The following TNRC18 variants were observed in gnomAD, a reference collection of about 807,000 sequenced individuals.
The protein encoded by TNRC18 is trinucleotide repeat containing 18.
TNRC18 carries 69 observed loss-of-function variants against 226.7 expected under a neutral mutation model. That is an observed-to-expected ratio of 0.30 (90% CI 0.25 to 0.37). TNRC18 has a LOEUF of 0.37. Among genes scored for constraint, TNRC18 ranks in the 10% least tolerant of loss-of-function variants. The probability of loss-of-function intolerance (pLI) is 1.00; values close to 1 mark genes in which losing one functional copy is unlikely to be tolerated. For missense variants in TNRC18, 4,754 were observed against 4,256.6 expected, an observed-to-expected ratio of 1.12 and a Z score of -3.25; for synonymous variants, 2,449 against 1,927.6, an observed-to-expected ratio of 1.27 and a Z score of -7.09.
chr7:5,364,349 T>A (rs1201452382), intron 11 of TNRC18, among the ~76,000 whole-genome samples: 1 of 151,922 alleles, frequency 6.6e-6, no homozygotes, highest in East Asian at 1.9e-4. Context: ...TCCCAGCTAC[T>A]CGGGAGGCTG....
intron 2 of TNRC18, among the ~76,000 whole-genome samples, chr7:5,410,860 CAAAAAAAAAAAA>C (rs34320785): frequency 1.3e-4 from 5 of 37,174 alleles, no homozygotes; most frequent in Admixed American, 9.8e-4. Context: ...GACTCCATCT[CAAAAAAAAAAAA>C]AAAAAAAAAA....
intron 2 of TNRC18, among the ~76,000 whole-genome samples, chr7:5,414,949 T>A (rs1782082949): frequency 6.6e-6 from 1 of 152,242 alleles, no homozygotes; most frequent in African/African-American, 2.4e-5. Flanking sequence ...TCTCTTTTAA[T>A]CAGGAACAGT....
intron 18 of TNRC18, 64 bp from the exon 19 acceptor site, chr7:5,333,113 C>G (rs1031194585): frequency 1.3e-4 from 200 of 1,510,602 alleles, no homozygotes; most frequent in Non-Finnish European, 3.1e-5. Context: ...CCCACCCAGC[C>G]ACATGGACAC....
chr7:5,341,110 G>GGTCT (rs1790639828), intron 18 of TNRC18, among the ~76,000 whole-genome samples: 1 of 151,810 alleles, frequency 6.6e-6, no homozygotes, highest in African/African-American at 2.4e-5. Flanking sequence ...CTCTGCCAGG[G>GGTCT]GTCTACCAGT....
At chr7:5,422,248 A>G (rs899127113) in intron 1 of TNRC18, among the ~76,000 whole-genome samples, 1 of 152,122 alleles carries the variant, frequency 6.6e-6, no homozygotes. Context: ...CTGCAGCCCG[A>G]GGACCTGGCC....
rs1788317523 is a variant in TNRC18 at position 5,321,195 on chromosome 7, A to AG, written c.6443-6dup. On this transcript the variant is annotated splice_polypyrimidine_tract_variant and splice_region_variant and intron_variant, in intron 21 of 29. Coordinates refer to ENST00000430969, the MANE Select transcript of TNRC18 (RefSeq NM_001080495.3). ...CGATGATGCAGGAGCGAGGGGCTGC[A>AG]GGGGTTGGATCGTGAGGCGAGGCTG... 7 of 1,540,284 alleles carry AG rather than the reference A, an allele frequency of 4.5e-6. No individual in the cohort carries two copies. Among genetic ancestry groups the AG allele is most frequent in the Admixed American group, 2.0e-5 (1 of 50,854 alleles).
rs766723014 is a variant in TNRC18, at chr7:5,371,013, C to T, written c.3581G>A (p.Gly1194Glu). 1 of 1,608,434 alleles carries T rather than the reference C, an allele frequency of 6.2e-7. No individual in the cohort carries two copies. Among genetic ancestry groups the T allele is most frequent in the Non-Finnish European group, 8.5e-7 (1 of 1,179,720 alleles). Reference protein sequence around the residue: ...AEAMATPSPAGGCGGGLLEAQ... With the variant: ...AEAMATPSPAEGCGGGLLEAQ... ...CTCCAACAGGCCACCTCCACAACCC[C>T]CTGCAGGGCTGGGGGTAGCCATGGC... The change falls in exon 11 of 30, where the codon GGG becomes GAG. Residue 1194 changes from glycine (G) to glutamate (E), a missense_variant. Coordinates refer to ENST00000430969, the MANE Select transcript of TNRC18 (RefSeq NM_001080495.3).
In TNRC18 at chr7:5,377,333, C is replaced by A; in HGVS notation, c.2461+38G>T. ...CTGCACCCGCCCCCTCCCACCCCTC[C>A]CTCAGAGAAGGGGAGAGACCCTGTG... On this transcript the variant is annotated intron_variant, in intron 7 of 29. Transcript: ENST00000430969. This position sits in a 1 kb window ranked among gnomAD's most constrained non-coding sequence, Gnocchi z 5.8. The A allele has an allele frequency of 5.2e-6, 7 of 1,345,538 alleles. No individual in the cohort carries two copies. Among genetic ancestry groups the A allele is most frequent in the African/African-American group, 1.5e-5 (1 of 68,676 alleles). 83.3% of individuals were successfully genotyped at this position (1,345,538 alleles called of 1,614,324 possible).
intron 2 of TNRC18, among the ~76,000 whole-genome samples, chr7:5,416,141 G>A (rs571951889): frequency 2.5e-4 from 36 of 145,172 alleles, no homozygotes; most frequent in African/African-American, 7.6e-4. Context: ...TCAGCCAAGC[G>A]CGGTGGCTCA....
At chr7:5,336,864 T>G (rs1459216033) in intron 18 of TNRC18, among the ~76,000 whole-genome samples, 1 of 152,218 alleles carries the variant, frequency 6.6e-6, no homozygotes, top group Non-Finnish European at 1.5e-5. Context: ...TTTATGAGTT[T>G]GGGTGTGGGG....
chr7:5,345,543 C>CCCCCCCCCCCCCCT lies in TNRC18; in HGVS notation c.5719+18_5719+19insAGGGGGGGGGGGGG. On this transcript the variant is annotated intron_variant, in intron 18 of 29. Transcript: ENST00000430969. ...CCCCTCCCACCCACCCCCACCGCAG[C>CCCCCCCCCCCCCCT]CCACCTGCTGCCACTTACCCAGCAG... The CCCCCCCCCCCCCCT allele has an allele frequency of 7.0e-7, 1 of 1,419,172 alleles. No individual in the cohort carries two copies. The highest frequency in any genetic ancestry group is 9.3e-7 in the Non-Finnish European group (1 of 1,078,492). The allele number at this position is 1,419,172 out of a possible 1,614,324, so 87.9% of individuals were successfully genotyped here.
intron 11 of TNRC18, among the ~76,000 whole-genome samples, chr7:5,367,048 G>A (rs530970476): frequency 1.3e-5 from 2 of 152,180 alleles, no homozygotes; most frequent in Admixed American, 1.3e-4. Context: ...CCTTCATTCC[G>A]TAAGGCTGGT....
chr7:5,341,534 C>T (rs1036292819), intron 18 of TNRC18, among the ~76,000 whole-genome samples: 1 of 151,714 alleles, frequency 6.6e-6, no homozygotes, highest in Non-Finnish European at 1.5e-5. Flanking sequence ...GAGGCCAAGG[C>T]AGGAGGATCA....
Position 5,307,914 on chromosome 7 carries a change from A to T in TNRC18, c.*192T>A. The T allele has an allele frequency of 1.7e-6, 1 of 603,434 alleles. No individual in the cohort carries two copies. The highest frequency in any genetic ancestry group is 3.0e-5 in the Admixed American group (1 of 33,624). The allele number at this position is 603,434 out of a possible 1,614,324, so 37.4% of individuals were successfully genotyped here. On this transcript the variant is annotated 3_prime_UTR_variant, in exon 30 of 30. Coordinates refer to ENST00000430969, the MANE Select transcript of TNRC18 (RefSeq NM_001080495.3). ...GGGGTTGGAAGGTGGGGCTGGAGGC[A>T]TGTGCACATGCGTGCACACACGTGC...
At chr7:5,352,915 AC>A (rs1341725797) in intron 16 of TNRC18, among the ~76,000 whole-genome samples, 5 of 152,184 alleles carry the variant, frequency 3.3e-5, no homozygotes, top group African/African-American at 1.2e-4. Flanking sequence ...TCCACTCCAG[AC>A]GGGGGGAACG....
At chr7:5,321,799 G>A (rs1788390468) in intron 21 of TNRC18, among the ~76,000 whole-genome samples, 1 of 151,656 alleles carries the variant, frequency 6.6e-6, no homozygotes, top group Non-Finnish European at 1.5e-5. Flanking sequence ...AGCCTCCCAA[G>A]CAGCTGGAAT....
At chr7:5,340,653 G>C (rs983894104) in intron 18 of TNRC18, among the ~76,000 whole-genome samples, 1 of 151,334 alleles carries the variant, frequency 6.6e-6, no homozygotes, top group Non-Finnish European at 1.5e-5. Flanking sequence ...TGAGGCAGGA[G>C]AATCACTTGA....
chr7:5,374,067 C>T lies in TNRC18; in HGVS notation c.3217G>A (p.Ala1073Thr). The change falls in exon 10 of 30, where the codon GCC becomes ACC. Residue 1073 changes from alanine (A) to threonine (T), a missense_variant. Physicochemically the swap from Ala to Thr is moderately conservative, Grantham distance 58. Transcript: ENST00000430969. Reference sequence around the variant, plus strand: ...AGCTGCATCCTACCTGAGAACAGGGCCTGGAAGGGGCTGGGGGCTTCCTTC... The same window carrying T: ...AGCTGCATCCTACCTGAGAACAGGGTCTGGAAGGGGCTGGGGGCTTCCTTC... Reference protein sequence around the residue: ...LEKEAPSPFQALFSDIPPRYP... With the variant: ...LEKEAPSPFQTLFSDIPPRYP... 3 of 1,571,646 alleles carry T rather than the reference C, an allele frequency of 1.9e-6. No individual in the cohort carries two copies. The highest frequency in any genetic ancestry group is 2.6e-6 in the Non-Finnish European group (3 of 1,162,298).
intron 14 of TNRC18, among the ~76,000 whole-genome samples, chr7:5,359,878 C>T (rs1480653244): frequency 2.6e-5 from 4 of 152,086 alleles, no homozygotes; most frequent in Admixed American, 6.6e-5. Flanking sequence ...TTTACCAAAT[C>T]GTGCCAAGAA....
Sources: allele counts gnomAD v4.1 joint callset (sites outside exome capture counted in the v4.1 genomes callset), GRCh38; gene constraint gnomAD v4.1.1; non-coding constraint Gnocchi (gnomAD v3.1); transcripts MANE v1.5; gene names NCBI Gene and HGNC (gene_info 2026-07-23, HGNC 2026-07-21).